MSI2: variants seen among roughly 807,000 people sequenced by gnomAD.
The protein encoded by MSI2 is RNA-binding protein Musashi homolog 2.
MSI2 carries 17 observed loss-of-function variants against 45.6 expected under a neutral mutation model. The ratio of observed to expected loss-of-function variants is 0.37; its 90% CI spans 0.26 to 0.56. MSI2 has a LOEUF of 0.56. Among genes scored for constraint, MSI2 ranks in the 20% least tolerant of loss-of-function variants. The probability of loss-of-function intolerance (pLI) is 0.77; values close to 1 mark genes in which losing one functional copy is unlikely to be tolerated. For missense variants in MSI2, 293 were observed against 444.2 expected (o/e 0.66, Z 3.06); for synonymous variants, 156 against 158.2 (o/e 0.99, Z 0.11).
chr17:57,558,510 C>A (rs942895077), intron 7 of MSI2, among the ~76,000 whole-genome samples: 2 of 152,138 alleles, frequency 1.3e-5, no homozygotes, highest in African/African-American at 4.8e-5. Flanking sequence ...GGGGATGAGA[C>A]CCTGGCTGGC....
At position 57,676,324 on chromosome 17, in the gene MSI2, C is replaced by T. The variant is rs553878812; in HGVS notation, c.946-663C>T. ...CACACGCCTGCCAGCCCTACTTGTG[C>T]AGGATGGGTCCTTGTTCAGCTCCGC... On this transcript the variant is annotated intron_variant, in intron 12 of 13. Coordinates refer to ENST00000284073, the MANE Select transcript of MSI2 (RefSeq NM_138962.4). Among the ~76,000 whole-genome samples the T allele has an allele frequency of 2.6e-5, 4 of 152,336 alleles. No individual in the cohort carries two copies. The East Asian group carries it at 7.7e-4, about 29-fold the overall frequency.
chr17:57,295,992 CTTTTTTTTTTTTTTTTTTTTTTTTT>C (rs386386327), intron 5 of MSI2, among the ~76,000 whole-genome samples: 12 of 38,624 alleles, frequency 3.1e-4, no homozygotes, highest in Non-Finnish European at 6.5e-4. Flanking sequence ...CGCAGCCTTC[CTTTTTTTTTTTTTTTTTTTTTTTTT>C]TTTTTTTTTG....
intron 5 of MSI2, among the ~76,000 whole-genome samples, chr17:57,271,744 C>CTT (rs60803369): frequency 0.016 from 1,704 of 107,474 alleles, 64 homozygotes; most frequent in African/African-American, 0.056. Flanking sequence ...CCACTGCAAT[C>CTT]TTTTTTTTTT....
chr17:57,444,251 T>G (rs529380263), intron 6 of MSI2, among the ~76,000 whole-genome samples: 72 of 152,216 alleles, frequency 4.7e-4, no homozygotes, highest in African/African-American at 1.6e-3. Flanking sequence ...TCAGCAGCCT[T>G]AGGAGGCAGA....
At chr17:57,283,513 T>G (rs1909605416) in intron 5 of MSI2, among the ~76,000 whole-genome samples, 1 of 152,098 alleles carries the variant, frequency 6.6e-6, no homozygotes, top group Non-Finnish European at 1.5e-5. Flanking sequence ...CTGAAGCCAC[T>G]TAAAGAGCAT....
intron 5 of MSI2, among the ~76,000 whole-genome samples, chr17:57,333,793 G>A (rs199978658): frequency 0.061 from 7,845 of 129,084 alleles, 705 homozygotes; most frequent in African/African-American, 0.23. Flanking sequence ...ATAAGAAAGG[G>A]AAAAAAAAAA....
intron 5 of MSI2, chr17:57,265,737 G>A (rs1170043771): frequency 1.3e-5 from 2 of 152,176 alleles, no homozygotes; most frequent in South Asian, 2.1e-4. Context: ...TTCTCTGGAT[G>A]ATTATTTCAT....
At chr17:57,289,198 A>G (rs9904236) in intron 5 of MSI2, among the ~76,000 whole-genome samples, 125,794 of 152,192 alleles carry the variant, frequency 0.83, 52,029 homozygotes, top group Middle Eastern at 0.91. Context: ...TTTGATTTCC[A>G]CGGCTCCTGC....
At chr17:57,553,061 T>C (rs1475640179) in intron 7 of MSI2, among the ~76,000 whole-genome samples, 2 of 152,182 alleles carry the variant, frequency 1.3e-5, no homozygotes, top group Admixed American at 1.3e-4. Flanking sequence ...CTGGGAATAA[T>C]GAGAGACGCC....
chr17:57,687,537 C>T (rs1025649516), downstream of MSI2, among the ~76,000 whole-genome samples: 8 of 151,750 alleles, frequency 5.3e-5, no homozygotes, highest in Admixed American at 3.3e-4. Context: ...ATATAAATTA[C>T]CAAAACTAGT....
At chr17:57,357,612 G>C (rs1916526473) in intron 5 of MSI2, among the ~76,000 whole-genome samples, 1 of 152,142 alleles carries the variant, frequency 6.6e-6, no homozygotes, top group Non-Finnish European at 1.5e-5. Context: ...ACGCTGGTGG[G>C]AGCTGCGCCA....
chr17:57,591,087 C>T (rs2144420574), intron 7 of MSI2, among the ~76,000 whole-genome samples: 1 of 152,324 alleles, frequency 6.6e-6, no homozygotes. Context: ...TCTTACAGGT[C>T]CAGAGAGGCA....
the MSI2 span, among the ~76,000 whole-genome samples, chr17:57,697,150 A>ACACACATACACACACACATT: frequency 6.6e-6 from 1 of 150,558 alleles, no homozygotes; most frequent in Non-Finnish European, 1.5e-5. Flanking sequence ...CAGGACACAC[A>ACACACATACACACACACATT]CACACACACA....
chr17:57,661,351 A>C (rs561414556), intron 11 of MSI2, among the ~76,000 whole-genome samples: 88 of 152,274 alleles, frequency 5.8e-4, no homozygotes, highest in Non-Finnish European at 1.1e-3. Flanking sequence ...CAGGGCCTGG[A>C]GAATTTGGAG....
intron 6 of MSI2, among the ~76,000 whole-genome samples, chr17:57,499,998 C>T (rs1672282096): frequency 1.3e-5 from 2 of 151,826 alleles, no homozygotes; most frequent in South Asian, 4.2e-4. Context: ...GTCTCAAACT[C>T]TCAACTGGAA....
intron 5 of MSI2, among the ~76,000 whole-genome samples, chr17:57,360,538 A>G (rs1277122738): frequency 2.6e-5 from 4 of 152,240 alleles, no homozygotes; most frequent in Non-Finnish European, 5.9e-5. Flanking sequence ...TGAGGGCCAT[A>G]GCATCTCAAC....
At chr17:57,388,635 C>G (rs1336472817) in intron 5 of MSI2, among the ~76,000 whole-genome samples, 2 of 152,162 alleles carry the variant, frequency 1.3e-5, no homozygotes, top group African/African-American at 2.4e-5. Flanking sequence ...GCCTCCCCAC[C>G]CAATGGCCCT....
rs759553636 is a variant in MSI2, at chr17:57,676,999, G to T, written c.958G>T (p.Ala320Ser). 2.4e-5 allele frequency: 38 copies of T among 1,612,706 alleles called. No individual in the cohort carries two copies. In the Admixed American group the frequency reaches 4.7e-4, roughly 20 times the overall value. Residue 320 changes from alanine (A) to serine (S), a missense_variant, in exon 13 of 14, where the codon GCA becomes TCA. By Grantham distance (99) the Ala-to-Ser change is moderately conservative. Coordinates refer to ENST00000284073, the MANE Select transcript of MSI2 (RefSeq NM_138962.4). ...FGHGIAGPLI[A>S]TAFTNGYH ...TGTGCAATTTTAGGGACCTTTGATTGCAACGGCCTTTACAAATGGATACCA... is the reference window on the plus strand; with the variant it reads ...TGTGCAATTTTAGGGACCTTTGATTTCAACGGCCTTTACAAATGGATACCA...
At chr17:57,471,646 A>C (rs1361164764) in intron 6 of MSI2, among the ~76,000 whole-genome samples, 1 of 152,134 alleles carries the variant, frequency 6.6e-6, no homozygotes, top group African/African-American at 2.4e-5. Flanking sequence ...CAGATGAAGA[A>C]GTCGAGCCAG....
Sources: allele counts gnomAD v4.1 joint callset (sites outside exome capture counted in the v4.1 genomes callset), GRCh38; gene constraint gnomAD v4.1.1; transcripts MANE v1.5; gene names NCBI Gene and HGNC (gene_info 2026-07-23, HGNC 2026-07-21).